The following CA8 variants were observed in gnomAD, a reference collection of about 807,000 sequenced individuals.
The protein encoded by CA8 is carbonic anhydrase-related protein.
CA8 carries 22 observed loss-of-function variants against 41.4 expected under a neutral mutation model. The ratio of observed to expected loss-of-function variants is 0.53; its 90% CI spans 0.38 to 0.76. CA8 has a LOEUF of 0.76. Among genes scored for constraint, CA8 ranks in the 30% least tolerant of loss-of-function variants. The pLI is 0.00. For synonymous variants in CA8, 121 were observed against 130.6 expected (o/e 0.93, Z 0.50); for missense variants, 270 against 352.8 (o/e 0.77, Z 1.88).
chr8:60,242,667 A>G (rs1038917709), intron 3 of CA8, among the ~76,000 whole-genome samples: 5 of 152,238 alleles, frequency 3.3e-5, no homozygotes, highest in African/African-American at 1.2e-4. Flanking sequence ...TGGGAAAGCT[A>G]CCTGAGCTGA....
intron 2 of CA8, among the ~76,000 whole-genome samples, chr8:60,272,492 A>C (rs1804104601): frequency 6.6e-6 from 1 of 152,036 alleles, no homozygotes; most frequent in African/African-American, 2.4e-5. Context: ...AACCCCCTTT[A>C]TCATGAACAA....
At chr8:60,228,498 C>G (rs963186061) in intron 4 of CA8, among the ~76,000 whole-genome samples, 1 of 152,160 alleles carries the variant, frequency 6.6e-6, no homozygotes, top group African/African-American at 2.4e-5. Context: ...ACATATGAAC[C>G]CTAAGGCCAC....
At chr8:60,242,937 T>C (rs969718137) in intron 3 of CA8, among the ~76,000 whole-genome samples, 6 of 152,208 alleles carry the variant, frequency 3.9e-5, no homozygotes, top group African/African-American at 1.4e-4. Context: ...CTCATCTACT[T>C]ACTTTCTTAC....
rs576734623 is a variant in CA8 at position 60,214,837 on chromosome 8, C to T, written c.739-5918G>A. Among the ~76,000 whole-genome samples the T allele has an allele frequency of 3.3e-5, 5 of 152,270 alleles. No homozygotes were observed. In the East Asian group the frequency reaches 9.6e-4, roughly 29 times the overall value. ...AAGCAGTTTTCAATATTCTAGAAGA[C>T]GTATCATGTATCCACAGGGTGAAAA... is the stretch of plus-strand genomic sequence containing the variant. On this transcript the variant is annotated intron_variant, in intron 7 of 8. Transcript: ENST00000317995.
chr8:60,207,704 A>G (rs947114656), intron 8 of CA8, among the ~76,000 whole-genome samples: 1 of 152,186 alleles, frequency 6.6e-6, no homozygotes, highest in African/African-American at 2.4e-5. Context: ...TCTAGTGTCC[A>G]AGCCTCCGCA....
chr8:60,274,992 G>T (rs1222225254), intron 2 of CA8, among the ~76,000 whole-genome samples: 1 of 152,158 alleles, frequency 6.6e-6, no homozygotes, highest in Admixed American at 6.5e-5. Flanking sequence ...ATGATGATGA[G>T]ATCCCTGGCA....
intron 8 of CA8, among the ~76,000 whole-genome samples, chr8:60,201,978 A>G (rs1051900885): frequency 7.7e-5 from 11 of 142,298 alleles, no homozygotes; most frequent in African/African-American, 2.8e-4. Flanking sequence ...TGTTTCCATC[A>G]GTTTCATTGG....
intron 3 of CA8, among the ~76,000 whole-genome samples, chr8:60,251,102 G>A (rs1394433496): frequency 6.6e-6 from 1 of 152,170 alleles, no homozygotes; most frequent in Non-Finnish European, 1.5e-5. Context: ...GTAGATTAAG[G>A]AAAGTTTAGG....
intron 3 of CA8, chr8:60,232,803 G>T: frequency 5.9e-6 from 1 of 168,984 alleles, no homozygotes; most frequent in East Asian, 1.5e-4. Context: ...ATCAGGAGAT[G>T]TACAAAGCCA....
intron 8 of CA8, among the ~76,000 whole-genome samples, chr8:60,202,897 A>T (rs935323088): frequency 3.9e-5 from 6 of 152,244 alleles, no homozygotes; most frequent in African/African-American, 1.4e-4. Context: ...AGATTCTCAG[A>T]AGTCTTGCAT....
intron 3 of CA8, among the ~76,000 whole-genome samples, chr8:60,257,478 T>C (rs1234032667): frequency 3.3e-5 from 5 of 152,236 alleles, no homozygotes; most frequent in Admixed American, 6.5e-5. Flanking sequence ...TTTACTAGCT[T>C]GCCTGAGATT....
At chr8:60,246,453 T>C (rs1808240294) in intron 3 of CA8, among the ~76,000 whole-genome samples, 2 of 151,884 alleles carry the variant, frequency 1.3e-5, no homozygotes, top group South Asian at 4.2e-4. Context: ...CCACCATGTC[T>C]GGCTAATTTT....
chr8:60,188,960 C>T lies in CA8; in HGVS notation c.*1061G>A, dbSNP rs1806039143. ...CTGGGACTATGTTTTTGAAGTCATT[C>T]ATTTTACAATTATAACAACAATAAC... On this transcript the variant is annotated 3_prime_UTR_variant, in exon 9 of 9. Coordinates refer to ENST00000317995, the MANE Select transcript of CA8 (RefSeq NM_004056.6). The T allele has an allele frequency of 6.6e-6, 1 of 152,144 alleles. No individual in the cohort carries two copies. Among genetic ancestry groups the T allele is most frequent in the South Asian group, 2.1e-4 (1 of 4,828 alleles). The allele number at this position is 152,144 out of a possible 1,614,324, so 9.4% of individuals were successfully genotyped here.
At chr8:60,256,092 T>C (rs1198865831) in intron 3 of CA8, among the ~76,000 whole-genome samples, 1 of 152,090 alleles carries the variant, frequency 6.6e-6, no homozygotes, top group Admixed American at 6.5e-5. Flanking sequence ...TATCTTTTAG[T>C]AGAGATGGTG....
intron 3 of CA8, among the ~76,000 whole-genome samples, chr8:60,261,505 A>T (rs1198758248): frequency 6.6e-6 from 1 of 152,204 alleles, no homozygotes; most frequent in African/African-American, 2.4e-5. Context: ...TGTGGGCAGG[A>T]TCAGTGCCTA....
intron 8 of CA8, among the ~76,000 whole-genome samples, chr8:60,205,928 A>G (rs1806561880): frequency 6.6e-6 from 1 of 152,240 alleles, no homozygotes; most frequent in Non-Finnish European, 1.5e-5. Flanking sequence ...ATTAAATTCA[A>G]AGTCTGACTG....
chr8:60,216,603 T>C (rs1465686266), intron 7 of CA8, among the ~76,000 whole-genome samples: 2 of 152,216 alleles, frequency 1.3e-5, no homozygotes, highest in Non-Finnish European at 2.9e-5. Context: ...ACTTTGTCAC[T>C]GGCCTATTTC....
At chr8:60,265,693 T>C (rs1803879833) in intron 3 of CA8, 3 of 527,878 alleles carry the variant, frequency 5.7e-6, no homozygotes, top group South Asian at 4.2e-5. Flanking sequence ...TTTAATACTG[T>C]AGATTGCCTT....
intron 7 of CA8, among the ~76,000 whole-genome samples, chr8:60,220,890 C>A (rs1391096924): frequency 1.3e-5 from 2 of 152,072 alleles, no homozygotes; most frequent in Admixed American, 1.3e-4. Context: ...GATCCTTCGC[C>A]CTATTTTCAC....
Sources: allele counts gnomAD v4.1 joint callset (sites outside exome capture counted in the v4.1 genomes callset), GRCh38; gene constraint gnomAD v4.1.1; transcripts MANE v1.5; gene names NCBI Gene and HGNC (gene_info 2026-07-23, HGNC 2026-07-21).